ARSB: variants seen among roughly 807,000 people sequenced by gnomAD.
ARSB encodes the protein N-acetylgalactosamine-4-sulfatase.
ARSB carries 41 observed loss-of-function variants against 50.9 expected under a neutral mutation model. The observed-to-expected ratio is 0.81, with a 90% confidence interval of 0.63 to 1.04. ARSB has a LOEUF of 1.04. ARSB is among the 50% of genes least tolerant of loss of function. The probability of loss-of-function intolerance (pLI) is 0.00; values close to 1 mark genes in which losing one functional copy is unlikely to be tolerated. For missense variants in ARSB, 672 were observed against 693.3 expected, an observed-to-expected ratio of 0.97 and a Z score of 0.35; for synonymous variants, 269 against 284.8, an observed-to-expected ratio of 0.94 and a Z score of 0.56.
At chr5:78,931,968 G>A (rs549956990) in intron 4 of ARSB, among the ~76,000 whole-genome samples, 26 of 152,156 alleles carry the variant, frequency 1.7e-4, no homozygotes, top group East Asian at 5.8e-4. Context: ...CCCTTCCGCC[G>A]TGATTGTAAG....
At chr5:78,798,278 TAGGGC>T (rs995542412) in intron 6 of ARSB, among the ~76,000 whole-genome samples, 7 of 152,004 alleles carry the variant, frequency 4.6e-5, no homozygotes, top group African/African-American at 1.4e-4. Flanking sequence ...AATACAGAAC[TAGGGC>T]CACCATTGAA....
chr5:78,817,113 T>C, intron 6 of ARSB: 1 of 985,440 alleles, frequency 1.0e-6, no homozygotes, highest in Non-Finnish European at 1.2e-6. Context: ...TCTTCCGGAC[T>C]TCAGTTCAAT....
At chr5:78,893,424 T>C (rs1748412773) in intron 4 of ARSB, among the ~76,000 whole-genome samples, 1 of 151,472 alleles carries the variant, frequency 6.6e-6, no homozygotes, top group Non-Finnish European at 1.5e-5. Context: ...AAAAATGTTA[T>C]AAAAGTTTGT....
At chr5:78,859,044 T>A (rs1746294257) in intron 5 of ARSB, among the ~76,000 whole-genome samples, 1 of 152,196 alleles carries the variant, frequency 6.6e-6, no homozygotes, top group African/African-American at 2.4e-5. Flanking sequence ...AAGTACCGAT[T>A]TTTAACCACT....
chr5:78,882,841 T>G (rs1747825305), intron 5 of ARSB: 1 of 131,282 alleles, frequency 7.6e-6, no homozygotes, highest in Non-Finnish European at 1.5e-5. Context: ...TGGAGTGCAG[T>G]GGCACCGTGT....
At chr5:78,847,170 C>G (rs1745482364) in intron 5 of ARSB, among the ~76,000 whole-genome samples, 1 of 152,062 alleles carries the variant, frequency 6.6e-6, no homozygotes. Context: ...TTTTGTTGCC[C>G]AGACTGGAGT....
intron 5 of ARSB, among the ~76,000 whole-genome samples, chr5:78,857,631 C>T (rs952340273): frequency 6.6e-6 from 1 of 152,142 alleles, no homozygotes; most frequent in Admixed American, 6.5e-5. Flanking sequence ...CTCTAATTAG[C>T]TTCTTTAAGG....
intron 5 of ARSB, among the ~76,000 whole-genome samples, 193 bp from the exon 6 acceptor site, chr5:78,839,619 C>T (rs916786941): frequency 2.0e-5 from 3 of 151,994 alleles, no homozygotes; most frequent in Non-Finnish European, 2.9e-5. Context: ...TTGACCGAAC[C>T]CTTTACATAA....
chr5:78,943,460 C>T (rs1322295016), intron 4 of ARSB, among the ~76,000 whole-genome samples: 3 of 152,274 alleles, frequency 2.0e-5, no homozygotes, highest in South Asian at 2.1e-4. Context: ...GGAGCTCTTG[C>T]AGGGCAGGAC....
At chr5:78,827,555 T>A (rs1188005534) in intron 6 of ARSB, among the ~76,000 whole-genome samples, 2 of 152,158 alleles carry the variant, frequency 1.3e-5, no homozygotes, top group African/African-American at 4.8e-5. Flanking sequence ...TTTGCTGAGA[T>A]GGATTCCAAG....
At chr5:78,856,643 G>GA (rs1457570078) in intron 5 of ARSB, among the ~76,000 whole-genome samples, 3 of 152,192 alleles carry the variant, frequency 2.0e-5, no homozygotes, top group Non-Finnish European at 4.4e-5. Flanking sequence ...GGCCCTATCA[G>GA]AACCATAAAA....
chr5:78,895,193 T>C (rs1263205911), intron 4 of ARSB, among the ~76,000 whole-genome samples: 1 of 152,250 alleles, frequency 6.6e-6, no homozygotes, highest in South Asian at 2.1e-4. Context: ...CCTAATTTTA[T>C]AGCAGGCTAG....
At chr5:78,961,543 C>T (rs1307271519) in intron 3 of ARSB, among the ~76,000 whole-genome samples, 2 of 152,158 alleles carry the variant, frequency 1.3e-5, no homozygotes, top group Non-Finnish European at 2.9e-5. Flanking sequence ...TCCTATTGTC[C>T]TCAGTTCCGT....
chr5:78,810,198 C>T (rs575137746), intron 6 of ARSB, among the ~76,000 whole-genome samples: 12 of 152,308 alleles, frequency 7.9e-5, no homozygotes, highest in African/African-American at 2.2e-4. Flanking sequence ...ATTTCTCTTT[C>T]GGGGACAGAG....
intron 5 of ARSB, among the ~76,000 whole-genome samples, chr5:78,873,643 C>A (rs886631541): frequency 1.0e-4 from 15 of 149,898 alleles, no homozygotes; most frequent in Non-Finnish European, 1.6e-4. Flanking sequence ...CTACAGGCGC[C>A]CGCCACTACG....
intron 6 of ARSB, among the ~76,000 whole-genome samples, chr5:78,830,591 T>C (rs928342584): frequency 1.3e-5 from 2 of 152,166 alleles, no homozygotes; most frequent in African/African-American, 4.8e-5. Flanking sequence ...GTGTTAACAG[T>C]GAAGGTTTCA....
At chr5:78,791,433 C>G (rs1217567493) in intron 6 of ARSB, among the ~76,000 whole-genome samples, 1 of 152,226 alleles carries the variant, frequency 6.6e-6, no homozygotes, top group Non-Finnish European at 1.5e-5. Flanking sequence ...TTATGGCTCA[C>G]TCTAACAAAA....
chr5:78,903,600 C>G (rs1238140066), intron 4 of ARSB, among the ~76,000 whole-genome samples: 1 of 152,132 alleles, frequency 6.6e-6, no homozygotes, highest in South Asian at 2.1e-4. Flanking sequence ...TTCAGCGAGG[C>G]CTTTTGTGGT....
intron 5 of ARSB, among the ~76,000 whole-genome samples, chr5:78,880,187 C>A (rs1434659558): frequency 6.6e-6 from 1 of 152,106 alleles, no homozygotes; most frequent in African/African-American, 2.4e-5. Context: ...AGACTTTTCC[C>A]AATTTCTCTG....
Sources: gnomAD v4.1 joint callset for allele counts (sites outside exome capture counted in the v4.1 genomes callset) on GRCh38, gnomAD v4.1.1 for gene constraint, MANE v1.5 for transcripts, NCBI Gene and HGNC (gene_info 2026-07-23, HGNC 2026-07-21) for gene names.